Variants in MYH10 observed in about 807,000 individuals in gnomAD.
The protein encoded by MYH10 is myosin heavy chain 10, also known as myosin-10.
Under a neutral mutation model 257.8 loss-of-function variants are expected in MYH10, and 55 were observed. That is an observed-to-expected ratio of 0.21 (90% CI 0.17 to 0.27). The LOEUF (loss-of-function observed/expected upper bound fraction) is 0.27, where lower values mean the gene tolerates loss of function less well. MYH10 is among the 10% of genes least tolerant of loss of function. The probability of loss-of-function intolerance (pLI) is 1.00; values close to 1 mark genes in which losing one functional copy is unlikely to be tolerated. For synonymous variants in MYH10, 854 were observed against 921.7 expected (o/e 0.93, Z 1.33); for missense variants, 1,631 against 2,500.6 (o/e 0.65, Z 7.42).
chr17:8,495,935 T>C (rs891226616), intron 30 of MYH10, among the ~76,000 whole-genome samples: 9 of 152,130 alleles, frequency 5.9e-5, no homozygotes, highest in Admixed American at 2.0e-4. Context: ...GGTCTCGAAC[T>C]CCTGACCTCC....
intron 7 of MYH10, among the ~76,000 whole-genome samples, chr17:8,554,604 T>A (rs2082731978): frequency 1.3e-5 from 2 of 152,204 alleles, no homozygotes; most frequent in African/African-American, 4.8e-5. Context: ...TATTTCATCA[T>A]TCATTTTATA....
chr17:8,569,011 C>A lies in MYH10; in HGVS notation c.756+709G>T. ...CAGCGATCCTCTTGCCTCAGCCTCCCAAAGTACTGGACAACATAGTGAGAC... is the reference window on the plus strand; with the variant it reads ...CAGCGATCCTCTTGCCTCAGCCTCCAAAAGTACTGGACAACATAGTGAGAC... On this transcript the variant is annotated intron_variant, in intron 7 of 42. Transcript: ENST00000360416. This position sits in a 1 kb window ranked among gnomAD's most constrained non-coding sequence, Gnocchi z 4.1. Among the ~76,000 whole-genome samples, 1 of 149,420 alleles carries A rather than the reference C, an allele frequency of 6.7e-6. No homozygotes were observed. Among genetic ancestry groups the A allele is most frequent in the Non-Finnish European group, 1.5e-5 (1 of 67,056 alleles).
At chr17:8,590,607 C>T (rs145989553) in intron 3 of MYH10, among the ~76,000 whole-genome samples, 108 of 152,136 alleles carry the variant, frequency 7.1e-4, no homozygotes, top group African/African-American at 2.4e-3. Flanking sequence ...CCATGGCACC[C>T]GGCCCTAATT....
At chr17:8,479,913 C>T (rs760231624) in intron 40 of MYH10, among the ~76,000 whole-genome samples, 197 bp downstream of exon 40, 13 of 152,208 alleles carry the variant, frequency 8.5e-5, no homozygotes, top group South Asian at 4.1e-4. Flanking sequence ...TGACTGTTCA[C>T]GGATGCCGTC....
intron 4 of MYH10, among the ~76,000 whole-genome samples, chr17:8,577,929 G>A (rs1373452261): frequency 6.6e-6 from 1 of 152,254 alleles, no homozygotes; most frequent in Non-Finnish European, 1.5e-5. Context: ...TACCAGAGAA[G>A]TGAAATTTAT....
intron 7 of MYH10, among the ~76,000 whole-genome samples, chr17:8,559,060 GGAT>G (rs2082900219): frequency 6.6e-6 from 1 of 152,070 alleles, no homozygotes; most frequent in African/African-American, 2.4e-5. Flanking sequence ...ATGACCACCT[GGAT>G]GCTAATGTCA....
At chr17:8,513,734 G>T in intron 22 of MYH10, 52 bp downstream of exon 22, 6 of 1,608,996 alleles carry the variant, frequency 3.7e-6, no homozygotes, top group Non-Finnish European at 5.1e-6. Flanking sequence ...GGTTTTTCCT[G>T]ATCAGACTCT....
chr17:8,585,882 T>C (rs8073055), intron 4 of MYH10, among the ~76,000 whole-genome samples: 1,955 of 152,326 alleles, frequency 0.013, 34 homozygotes, highest in African/African-American at 0.045. Flanking sequence ...CACTATATGC[T>C]TAAGTACTTA....
Position 8,492,848 on chromosome 17 carries a change from G to T in MYH10, c.4386C>A (p.Asp1462Glu). 6.2e-7 allele frequency: 1 copy of T among 1,614,076 alleles called. No individual in the cohort carries two copies. The highest frequency in any genetic ancestry group is 8.5e-7 in the Non-Finnish European group (1 of 1,180,016). ...GCTGGTGGTCCAGGTCCACCGTGAG[G>T]TCGTCCAGCTCCTGCTGCAGGCGGT... Reference protein sequence around the residue: ...TKNRLQQELDDLTVDLDHQRQ... With the variant: ...TKNRLQQELDELTVDLDHQRQ... The change falls in exon 33 of 43, where the codon GAC becomes GAA. Residue 1462 changes from aspartate to glutamate, a missense_variant. Physicochemically the swap from Asp to Glu is conservative, Grantham distance 45. This residue lies in a region of MYH10 where 463 missense variants were observed against 621.8 expected (regional missense o/e 0.74). Coordinates refer to ENST00000360416, the MANE Select transcript of MYH10 (RefSeq NM_001256012.3).
chr17:8,627,090 T>TAC (rs764613897), intron 1 of MYH10, among the ~76,000 whole-genome samples: 3 of 152,348 alleles, frequency 2.0e-5, no homozygotes, highest in Non-Finnish European at 4.4e-5. Flanking sequence ...AAAGTGTAAT[T>TAC]ACACAGCATG....
At chr17:8,618,249 T>C (rs1056831754) in intron 2 of MYH10, among the ~76,000 whole-genome samples, 2 of 130,476 alleles carry the variant, frequency 1.5e-5, no homozygotes, top group Non-Finnish European at 3.1e-5. Context: ...ATTTCCTTTT[T>C]TCTTTTTTTT....
At chr17:8,609,269 T>C (rs112353897) in intron 2 of MYH10, among the ~76,000 whole-genome samples, 212 of 152,206 alleles carry the variant, frequency 1.4e-3, no homozygotes, top group African/African-American at 4.9e-3. Context: ...AGTCTCCTAC[T>C]ACGAACAGGG....
In MYH10 at chr17:8,487,487, G is replaced by T. The variant is rs375050384; in HGVS notation, c.4992C>A (p.Ile1664=). 1 of 1,614,198 alleles carries T rather than the reference G, an allele frequency of 6.2e-7. No individual in the cohort carries two copies. Among genetic ancestry groups the T allele is most frequent in the Non-Finnish European group, 8.5e-7 (1 of 1,180,052 alleles). ...EIDLKDLEAQ[I]EAANKARDEV... ...CATCCCGAGCTTTGTTCGCAGCCTC[G>T]ATTTGGGCTTCGAGGTCCTTCAGGT... The change falls in exon 36 of 43, where the codon ATC becomes ATA. Residue 1664 remains isoleucine (I), a synonymous_variant. Coordinates refer to ENST00000360416, the MANE Select transcript of MYH10 (RefSeq NM_001256012.3).
chr17:8,604,163 G>T (rs1226728479), intron 3 of MYH10, among the ~76,000 whole-genome samples: 1 of 152,150 alleles, frequency 6.6e-6, no homozygotes, highest in East Asian at 1.9e-4. Context: ...GAGAGAGAGG[G>T]AGAGTTATTA....
chr17:8,518,866 T>TC lies in MYH10; in HGVS notation c.2343+14dup. On this transcript the variant is annotated intron_variant, in intron 20 of 42. Coordinates refer to ENST00000360416, the MANE Select transcript of MYH10 (RefSeq NM_001256012.3). Reference sequence around the variant, plus strand: ...ATTAAATCTACAAGCCAGAAAAAGATCAAGAAAACCTTACCATTCGTTCAC... The same window carrying TC: ...ATTAAATCTACAAGCCAGAAAAAGATCCAAGAAAACCTTACCATTCGTTCAC... 1 of 1,603,584 alleles carries TC rather than the reference T, an allele frequency of 6.2e-7. No individual in the cohort carries two copies. Among genetic ancestry groups the TC allele is most frequent in the Non-Finnish European group, 8.5e-7 (1 of 1,176,174 alleles).
chr17:8,614,114 A>G (rs1222672019), intron 2 of MYH10, among the ~76,000 whole-genome samples: 8 of 151,072 alleles, frequency 5.3e-5, no homozygotes, highest in Non-Finnish European at 7.3e-5. Context: ...AACAGATAAT[A>G]AAGTATATGT....
chr17:8,546,756 T>A, intron 11 of MYH10, 94 bp from the exon 12 acceptor site: 1 of 832,154 alleles, frequency 1.2e-6, no homozygotes, highest in Non-Finnish European at 1.9e-6. Context: ...TAGTAACAAT[T>A]AAATTGTATT....
chr17:8,493,717 TA>T lies in MYH10; in HGVS notation c.4209+15del, dbSNP rs746593027. 1 of 1,609,234 alleles carries T rather than the reference TA, an allele frequency of 6.2e-7. No homozygotes were observed. The highest frequency in any genetic ancestry group is 8.5e-7 in the Non-Finnish European group (1 of 1,177,916). ...ACACATCGAGGCCACCGCGGCCTCCTAAAGAGGACGCACACCTGGGACTGCA... is the reference window on the plus strand; with the variant it reads ...ACACATCGAGGCCACCGCGGCCTCCTAAGAGGACGCACACCTGGGACTGCA... On this transcript the variant is annotated intron_variant, in intron 32 of 42. Transcript: ENST00000360416.
At chr17:8,525,195 T>C (rs2081801597) in intron 17 of MYH10, among the ~76,000 whole-genome samples, 1 of 152,212 alleles carries the variant, frequency 6.6e-6, no homozygotes, top group Non-Finnish European at 1.5e-5. Flanking sequence ...TAAATCTCCA[T>C]TCCTTTACCA....
Sources: gnomAD v4.1 joint callset for allele counts (sites outside exome capture counted in the v4.1 genomes callset) on GRCh38, gnomAD v4.1.1 for gene constraint, gnomAD v4.1.1 regional missense constraint, Gnocchi (gnomAD v3.1) non-coding constraint, MANE v1.5 for transcripts, NCBI Gene and HGNC (gene_info 2026-07-23, HGNC 2026-07-21) for gene names.